The following PRKN variants were observed in gnomAD, a reference collection of about 807,000 sequenced individuals.
PRKN encodes the protein parkin RBR E3 ubiquitin protein ligase.
Under a neutral mutation model 59.5 loss-of-function variants are expected in PRKN, and 56 were observed. The ratio of observed to expected loss-of-function variants is 0.94; its 90% CI spans 0.76 to 1.18. PRKN has a LOEUF of 1.18. Ranked by LOEUF, PRKN falls within the 50% of genes most tolerant of loss-of-function variation. The probability of loss-of-function intolerance (pLI) is 0.00; values close to 1 mark genes in which losing one functional copy is unlikely to be tolerated. For synonymous variants in PRKN, 250 were observed against 222.1 expected, an observed-to-expected ratio of 1.13 and a Z score of -1.12; for missense variants, 657 against 596.4, an observed-to-expected ratio of 1.10 and a Z score of -1.06.
At chr6:162,343,622 T>G (rs1405436384) in intron 2 of PRKN, among the ~76,000 whole-genome samples, 1 of 152,230 alleles carries the variant, frequency 6.6e-6, no homozygotes, top group African/African-American at 2.4e-5. Flanking sequence ...AAACAACATT[T>G]AACTTTCTGA....
intron 6 of PRKN, among the ~76,000 whole-genome samples, chr6:161,971,455 C>G (rs923012207): frequency 3.3e-5 from 5 of 152,212 alleles, no homozygotes; most frequent in African/African-American, 7.2e-5. Context: ...TTACCTGCTG[C>G]TATCAGCGCA....
At chr6:161,945,169 G>A (rs924368060) in intron 6 of PRKN, among the ~76,000 whole-genome samples, 1 of 152,042 alleles carries the variant, frequency 6.6e-6, no homozygotes, top group African/African-American at 2.4e-5. Context: ...ATGGGAGGCC[G>A]GATTGGAAGT....
At chr6:162,131,524 T>G (rs544445587) in intron 4 of PRKN, among the ~76,000 whole-genome samples, 12 of 152,344 alleles carry the variant, frequency 7.9e-5, no homozygotes, top group African/African-American at 2.9e-4. Flanking sequence ...ACTGAATTAA[T>G]GAAGCTATTT....
At position 161,848,121 on chromosome 6, in the gene PRKN, G is replaced by T. The variant is rs555610202; in HGVS notation, c.735-62213C>A. The stretch of plus-strand genomic sequence containing the variant: ...TGGATGTCAGGTACCGCCTCTTCAG[G>T]ACTATTCATTAGCATTTGTGAAAGT... On this transcript the variant is annotated intron_variant, in intron 6 of 11. Coordinates refer to ENST00000366898, the MANE Select transcript of PRKN (RefSeq NM_004562.3). Among the ~76,000 whole-genome samples, 4 of 152,292 alleles carry T rather than the reference G, an allele frequency of 2.6e-5. No homozygotes were observed. The East Asian group carries it at 5.8e-4, about 22-fold the overall frequency.
At chr6:161,416,581 C>T (rs1022803156) in intron 9 of PRKN, among the ~76,000 whole-genome samples, 14 of 152,140 alleles carry the variant, frequency 9.2e-5, no homozygotes, top group African/African-American at 2.7e-4. Flanking sequence ...GTAATAGCAA[C>T]AGAGACCCGT....
At chr6:161,957,436 G>GTTTGTTTT (rs796970866) in intron 6 of PRKN, among the ~76,000 whole-genome samples, 5 of 116,644 alleles carry the variant, frequency 4.3e-5, no homozygotes, top group Non-Finnish European at 7.6e-5. Flanking sequence ...TTGTTTGTTT[G>GTTTGTTTT]TTTTTTTGAG....
chr6:162,510,815 C>T (rs1777573161), intron 1 of PRKN, among the ~76,000 whole-genome samples: 1 of 151,912 alleles, frequency 6.6e-6, no homozygotes, highest in Non-Finnish European at 1.5e-5. Flanking sequence ...TCCAGCTACT[C>T]GGGAGGCTGA....
chr6:162,488,742 C>G (rs192648049), intron 1 of PRKN, among the ~76,000 whole-genome samples: 1 of 152,086 alleles, frequency 6.6e-6, no homozygotes, highest in African/African-American at 2.4e-5. Flanking sequence ...GAAAAGGCCC[C>G]GACGCATAGC....
At position 162,021,135 on chromosome 6, in the gene PRKN, TATATATATATATATATATATATATA is replaced by T. The variant is rs1783143175; in HGVS notation, c.618+32931_618+32955del. On this transcript the variant is annotated intron_variant, in intron 5 of 11. Transcript: ENST00000366898. The stretch of plus-strand genomic sequence containing the variant: ...AAACAAAAACATATATATATATATA[TATATATATATATATATATATATATA>T]TATATAAAATATATGTGTATATATA... Among the ~76,000 whole-genome samples the T allele has an allele frequency of 8.2e-4, 4 of 4,878 alleles. 1 individual carries two copies. The South Asian group carries it at 0.017, about 21-fold the overall frequency. 3.2% of individuals were successfully genotyped at this position (4,878 alleles called of 152,430 possible). A position where few individuals can be genotyped will look rare whatever the true frequency, so the allele number is the denominator to read the frequency against.
intron 7 of PRKN, among the ~76,000 whole-genome samples, chr6:161,587,857 T>C (rs1781575124): frequency 1.3e-5 from 2 of 152,168 alleles, no homozygotes; most frequent in Admixed American, 1.3e-4. Context: ...TTCTGAGCAT[T>C]GGATTCTAGT....
At chr6:161,424,091 C>CT (rs1157149835) in intron 9 of PRKN, among the ~76,000 whole-genome samples, 3 of 152,060 alleles carry the variant, frequency 2.0e-5, no homozygotes, top group Non-Finnish European at 4.4e-5. Flanking sequence ...AATCCCAGCA[C>CT]TTTCGGAGGC....
At chr6:162,554,293 C>T (rs557097481) in intron 1 of PRKN, among the ~76,000 whole-genome samples, 88 of 152,130 alleles carry the variant, frequency 5.8e-4, no homozygotes, top group African/African-American at 2.0e-3. Flanking sequence ...CACCTGAGGT[C>T]GGGAGTTCAT....
At chr6:162,667,933 A>C (rs943295391) in intron 1 of PRKN, among the ~76,000 whole-genome samples, 2 of 152,196 alleles carry the variant, frequency 1.3e-5, no homozygotes, top group African/African-American at 2.4e-5. Context: ...ATACTCAATG[A>C]ATGTTAGGAT....
At chr6:161,994,124 C>T (rs557016548) in intron 5 of PRKN, among the ~76,000 whole-genome samples, 2 of 151,802 alleles carry the variant, frequency 1.3e-5, no homozygotes, top group East Asian at 1.9e-4. Context: ...AACAAAATAG[C>T]ATATCATGAT....
intron 5 of PRKN, among the ~76,000 whole-genome samples, chr6:162,018,481 AAT>A (rs1783013971): frequency 6.6e-6 from 1 of 152,202 alleles, no homozygotes; most frequent in African/African-American, 2.4e-5. Flanking sequence ...TTGGAGTCTA[AAT>A]TATCAAATAT....
chr6:161,814,289 G>A (rs150655297), intron 6 of PRKN, among the ~76,000 whole-genome samples: 221 of 152,230 alleles, frequency 1.5e-3, no homozygotes, highest in African/African-American at 5.0e-3. Flanking sequence ...CTGACATAAC[G>A]GTGCCACCTG....
Position 161,885,614 on chromosome 6 carries a change from A to G in PRKN, c.734+87688T>C, listed in dbSNP as rs372764941. Among the ~76,000 whole-genome samples, 253 of 150,944 alleles carry G rather than the reference A, an allele frequency of 1.7e-3. 1 individual carries two copies. Among genetic ancestry groups the G allele is most frequent in the Middle Eastern group, 3.4e-3 (1 of 294 alleles). On this transcript the variant is annotated intron_variant, in intron 6 of 11. Coordinates refer to ENST00000366898, the MANE Select transcript of PRKN (RefSeq NM_004562.3). Reference sequence around the variant, plus strand: ...CGGGAGGCGGAGCTTGCAGTGGGCCAAGATTGCACCACTGCACTCCAGCCT... The same window carrying G: ...CGGGAGGCGGAGCTTGCAGTGGGCCGAGATTGCACCACTGCACTCCAGCCT...
At chr6:162,318,826 A>G (rs1435440661) in intron 2 of PRKN, among the ~76,000 whole-genome samples, 2 of 152,064 alleles carry the variant, frequency 1.3e-5, no homozygotes, top group Non-Finnish European at 2.9e-5. Context: ...AATTGAAAAA[A>G]CACAAACAGG....
chr6:161,927,445 C>G (rs1201270638), intron 6 of PRKN, among the ~76,000 whole-genome samples: 1 of 151,834 alleles, frequency 6.6e-6, no homozygotes, highest in Non-Finnish European at 1.5e-5. Context: ...ACACTTATAA[C>G]TAGAATAGAA....
Sources: gnomAD v4.1 joint callset for allele counts (sites outside exome capture counted in the v4.1 genomes callset) on GRCh38, gnomAD v4.1.1 for gene constraint, MANE v1.5 for transcripts, NCBI Gene and HGNC (gene_info 2026-07-23, HGNC 2026-07-21) for gene names.